NGF: variants seen among roughly 807,000 people sequenced by gnomAD.
NGF encodes the protein nerve growth factor.
NGF carries 4 observed loss-of-function variants against 12.8 expected under a neutral mutation model. The observed-to-expected ratio is 0.31, with a 90% confidence interval of 0.15 to 0.72. The LOEUF (loss-of-function observed/expected upper bound fraction) is 0.72. NGF is among the 30% of genes least tolerant of loss of function. NGF has a pLI of 0.69. For synonymous variants in NGF, 140 were observed against 130.0 expected, an observed-to-expected ratio of 1.08 and a Z score of -0.52; for missense variants, 283 against 330.8, an observed-to-expected ratio of 0.86 and a Z score of 1.12.
chr1:115,332,532 T>C (rs1274605802), intron 1 of NGF, among the ~76,000 whole-genome samples: 1 of 152,038 alleles, frequency 6.6e-6, no homozygotes, highest in African/African-American at 2.4e-5. Flanking sequence ...AAAACAACTA[T>C]GAAGTGGGGG....
intron 1 of NGF, among the ~76,000 whole-genome samples, chr1:115,330,049 C>T (rs975479400): frequency 2.6e-5 from 4 of 152,136 alleles, no homozygotes; most frequent in African/African-American, 4.8e-5. Flanking sequence ...GCCACACACC[C>T]GGCCTTCAAC....
In NGF at chr1:115,286,574, G is replaced by C. The variant is rs756396299; in HGVS notation, c.222C>G (p.Pro74=). The change falls in exon 3 of 3, where the codon CCC becomes CCG. Residue 74 remains proline, a synonymous_variant. Transcript: ENST00000369512. ...GGAGTCGCCGCTTTTTAAACAGCCT[G>C]GGGTCCACAGTAATGTTGCGGGTCT... The part of the protein sequence containing the change: ...AGQTRNITVD[P]RLFKKRRLRS... 1 of 1,614,088 alleles carries C rather than the reference G, an allele frequency of 6.2e-7. No individual in the cohort carries two copies. Among genetic ancestry groups the C allele is most frequent in the Admixed American group, 1.7e-5 (1 of 60,008 alleles).
chr1:115,326,395 C>G (rs911671213), intron 1 of NGF, among the ~76,000 whole-genome samples: 1 of 152,102 alleles, frequency 6.6e-6, no homozygotes, highest in Non-Finnish European at 1.5e-5. Flanking sequence ...AACGATTGAG[C>G]AAAAGCCACC....
intron 1 of NGF, among the ~76,000 whole-genome samples, chr1:115,297,842 G>A (rs984470611): frequency 1.3e-5 from 2 of 152,202 alleles, no homozygotes; most frequent in African/African-American, 4.8e-5. Context: ...CCTGCTGCCT[G>A]TGTCTCACCT....
At chr1:115,330,553 A>T (rs1654890072) in intron 1 of NGF, among the ~76,000 whole-genome samples, 1 of 152,128 alleles carries the variant, frequency 6.6e-6, no homozygotes, top group South Asian at 2.1e-4. Flanking sequence ...CTGAAATTAG[A>T]TTGCTTTTCA....
At chr1:115,296,997 TA>T (rs1653893184) in intron 1 of NGF, among the ~76,000 whole-genome samples, 1 of 152,212 alleles carries the variant, frequency 6.6e-6, no homozygotes, top group African/African-American at 2.4e-5. Flanking sequence ...TATTCTTTCT[TA>T]CAGGGCACAA....
At chr1:115,330,171 C>T (rs1654879416) in intron 1 of NGF, among the ~76,000 whole-genome samples, 1 of 152,152 alleles carries the variant, frequency 6.6e-6, no homozygotes, top group South Asian at 2.1e-4. Context: ...AGGCATGCAG[C>T]TAATTGTGTA....
At chr1:115,319,507 A>T (rs1332798254) in intron 1 of NGF, among the ~76,000 whole-genome samples, 1 of 152,222 alleles carries the variant, frequency 6.6e-6, no homozygotes, top group African/African-American at 2.4e-5. Context: ...ATGGCTGCTC[A>T]TCCTTGCTTC....
At chr1:115,331,381 G>A (rs191835195) in intron 1 of NGF, among the ~76,000 whole-genome samples, 30 of 152,258 alleles carry the variant, frequency 2.0e-4, no homozygotes, top group East Asian at 7.7e-4. Context: ...ACTGCCCTCC[G>A]AGGAGCCTCC....
At chr1:115,290,004 C>T (rs996227735) in intron 2 of NGF, among the ~76,000 whole-genome samples, 2 of 152,114 alleles carry the variant, frequency 1.3e-5, no homozygotes, top group East Asian at 1.9e-4. Flanking sequence ...TCTTCCAATT[C>T]CTCCTATCCC....
chr1:115,301,452 T>C (rs1273388307), intron 1 of NGF, among the ~76,000 whole-genome samples: 1 of 152,228 alleles, frequency 6.6e-6, no homozygotes, highest in African/African-American at 2.4e-5. Context: ...TACATAAATA[T>C]CAGCTATTCT....
At chr1:115,322,428 C>T (rs575533976) in intron 1 of NGF, among the ~76,000 whole-genome samples, 5 of 152,218 alleles carry the variant, frequency 3.3e-5, no homozygotes, top group African/African-American at 9.6e-5. Context: ...CTGGAGGCTA[C>T]AAGGAGTGGG....
At chr1:115,333,808 C>CTCT (rs754374823) in intron 1 of NGF, among the ~76,000 whole-genome samples, 4 of 140,962 alleles carry the variant, frequency 2.8e-5, no homozygotes, top group Non-Finnish European at 6.0e-5. Context: ...CTTTCTTTCT[C>CTCT]TTTTTCTTTC....
At chr1:115,333,677 C>A (rs1557949140) in intron 1 of NGF, among the ~76,000 whole-genome samples, 1 of 67,548 alleles carries the variant, frequency 1.5e-5, no homozygotes, top group African/African-American at 1.4e-4. Context: ...TTCTTTCTTT[C>A]TTTCTTTCTT....
chr1:115,329,917 AT>A (rs1457423043), intron 1 of NGF, among the ~76,000 whole-genome samples: 4 of 151,372 alleles, frequency 2.6e-5, no homozygotes, highest in South Asian at 4.2e-4. Context: ...TGCCTGGCTA[AT>A]TTTTTTATTT....
At chr1:115,293,853 G>A (rs1412626427) in intron 1 of NGF, 103 bp from the exon 2 acceptor site, 1 of 152,662 alleles carries the variant, frequency 6.6e-6, no homozygotes, top group East Asian at 1.9e-4. Flanking sequence ...ATTTCCTTGA[G>A]TTCTGGGATT....
chr1:115,322,499 C>T (rs953541385), intron 1 of NGF, among the ~76,000 whole-genome samples: 2 of 152,090 alleles, frequency 1.3e-5, no homozygotes, highest in South Asian at 4.1e-4. Flanking sequence ...ACTAAGAGAC[C>T]TTTAGGGTGG....
intron 1 of NGF, among the ~76,000 whole-genome samples, chr1:115,305,023 A>G (rs141858724): frequency 2.0e-5 from 3 of 152,330 alleles, no homozygotes; most frequent in African/African-American, 7.2e-5. Context: ...CCTCCACCTT[A>G]GGCTGTAATA....
At chr1:115,291,305 T>A (rs1052673578) in intron 2 of NGF, among the ~76,000 whole-genome samples, 4 of 152,248 alleles carry the variant, frequency 2.6e-5, no homozygotes, top group African/African-American at 9.6e-5. Context: ...TCTAGTGATA[T>A]AATGCACCAT....
Sources: allele counts gnomAD v4.1 joint callset (sites outside exome capture counted in the v4.1 genomes callset), GRCh38; gene constraint gnomAD v4.1.1; transcripts MANE v1.5; gene names NCBI Gene and HGNC (gene_info 2026-07-23, HGNC 2026-07-21).